PHF12: variants seen among roughly 807,000 people sequenced by gnomAD.
PHF12 encodes the protein PHD finger protein 12.
PHF12 carries 6 observed loss-of-function variants against 99.8 expected under a neutral mutation model. The ratio of observed to expected loss-of-function variants is 0.06; its 90% CI spans 0.03 to 0.12. The LOEUF is 0.12. Ranked by LOEUF, PHF12 falls within the 10% of genes least tolerant of loss-of-function variation. The pLI, the probability that PHF12 is intolerant of heterozygous loss-of-function variation, is 1.00. For synonymous variants in PHF12, 480 were observed against 514.9 expected (o/e 0.93, Z 0.92); for missense variants, 954 against 1,300.1 (o/e 0.73, Z 4.09).
chr17:28,913,004 T>G lies in PHF12; in HGVS notation c.1567A>C (p.Ser523Arg). ...QSPALEDIGCSSCAEKSKKTP... is the reference protein window; with the variant it reads ...QSPALEDIGCRSCAEKSKKTP... ...TTCTTGGATTTTTCCGCACAAGAAC[T>G]GCAGCCGATGTCCTCTAGGGCTGGG... The change falls in exon 9 of 15, where the codon AGT becomes CGT. Residue 523 changes from serine to arginine, a missense_variant. By Grantham distance (110) the Ser-to-Arg change is moderately radical. Coordinates refer to ENST00000332830, the MANE Select transcript of PHF12 (RefSeq NM_001033561.2). The G allele has an allele frequency of 6.2e-7, 1 of 1,614,214 alleles. No homozygotes were observed. Among genetic ancestry groups the G allele is most frequent in the Non-Finnish European group, 8.5e-7 (1 of 1,180,040 alleles).
intron 5 of PHF12, among the ~76,000 whole-genome samples, chr17:28,919,679 T>G (rs534078507): frequency 6.6e-6 from 1 of 152,282 alleles, no homozygotes; most frequent in East Asian, 1.9e-4. Context: ...GGCCGGAGGT[T>G]GCAGTGAGCC....
At chr17:28,916,233 T>C (rs755619241) in intron 7 of PHF12, among the ~76,000 whole-genome samples, 1 of 152,234 alleles carries the variant, frequency 6.6e-6, no homozygotes, top group Non-Finnish European at 1.5e-5. Flanking sequence ...TCACTCTTGT[T>C]GTCCAGGCCG....
intron 10 of PHF12, 134 bp downstream of exon 10, chr17:28,910,978 C>G: frequency 7.9e-7 from 1 of 1,273,024 alleles, no homozygotes; most frequent in Non-Finnish European, 1.1e-6. Context: ...AAAGGATACT[C>G]CTCATTCCCA....
At chr17:28,907,317 G>T in intron 13 of PHF12, 1 of 534,296 alleles carries the variant, frequency 1.9e-6, no homozygotes, top group Non-Finnish European at 3.4e-6. Context: ...CTTCTATGCT[G>T]GTCCCCTCCC....
In PHF12 at chr17:28,924,187, G is replaced by A; in HGVS notation, c.437C>T (p.Thr146Ile). Residue 146 changes from threonine (T) to isoleucine (I), a missense_variant, in exon 4 of 15, where the codon ACT (threonine) becomes ATT (isoleucine). Coordinates refer to ENST00000332830, the MANE Select transcript of PHF12 (RefSeq NM_001033561.2). ...GGCATGGGCAATGGCCTTTAGTTCA[G>A]TTTTGCTGGCCGATCTGTCCAACAA... is the stretch of plus-strand genomic sequence containing the variant. ...TDLLDRSASK[T>I]ELKAIAHARI... 3 of 1,614,218 alleles carry A rather than the reference G, an allele frequency of 1.9e-6. No homozygotes were observed. The highest frequency in any genetic ancestry group is 2.5e-6 in the Non-Finnish European group (3 of 1,180,042).
Position 28,949,921 on chromosome 17 carries a change from CGGGGAGGT to C in PHF12, c.248+136_248+143del. ...CCAGAACCCGGCGGACACCTGGGGG[CGGGGAGGT>C]GCTCGCCCCGGCAGCTGCAGAAAGT... On this transcript the variant is annotated intron_variant, in intron 2 of 14. Coordinates refer to ENST00000332830, the MANE Select transcript of PHF12 (RefSeq NM_001033561.2). The surrounding 1 kb of genome is among the most constrained non-coding windows in gnomAD (Gnocchi z 4.6). 1 of 920,976 alleles carries C rather than the reference CGGGGAGGT, an allele frequency of 1.1e-6. No individual in the cohort carries two copies. Among genetic ancestry groups the C allele is most frequent in the Non-Finnish European group, 1.6e-6 (1 of 625,828 alleles). The allele number at this position is 920,976 out of a possible 1,614,324, so 57.1% of individuals were successfully genotyped here. A position where few individuals can be genotyped will look rare whatever the true frequency, so the allele number is the denominator to read the frequency against.
chr17:28,943,523 G>A (rs1283228794), intron 2 of PHF12, among the ~76,000 whole-genome samples: 1 of 152,058 alleles, frequency 6.6e-6, no homozygotes, highest in East Asian at 1.9e-4. Flanking sequence ...CCAGCTACCC[G>A]GGAGGCTGAG....
intron 2 of PHF12, among the ~76,000 whole-genome samples, chr17:28,932,850 G>C (rs923401136): frequency 6.6e-6 from 1 of 152,206 alleles, no homozygotes; most frequent in Non-Finnish European, 1.5e-5. Flanking sequence ...GGAAGCTGAG[G>C]CAAGAGAATT....
At chr17:28,942,526 T>C (rs966980410) in intron 2 of PHF12, among the ~76,000 whole-genome samples, 2 of 151,650 alleles carry the variant, frequency 1.3e-5, no homozygotes, top group Non-Finnish European at 2.9e-5. Context: ...CCTCTAAAAA[T>C]AAATAAATAG....
intron 2 of PHF12, among the ~76,000 whole-genome samples, chr17:28,947,762 A>G (rs1347470664): frequency 1.3e-5 from 2 of 152,102 alleles, no homozygotes. Flanking sequence ...TTTAGATAAT[A>G]ACTCAGATAA....
chr17:28,907,025 G>T (rs2039882334), intron 13 of PHF12, 31 bp from the exon 14 acceptor site: 1 of 1,583,008 alleles, frequency 6.3e-7, no homozygotes, highest in Non-Finnish European at 8.6e-7. Context: ...TAAGATGTGT[G>T]GTCTGCTGTG....
chr17:28,947,689 G>A (rs775365128), intron 2 of PHF12, among the ~76,000 whole-genome samples: 1 of 152,154 alleles, frequency 6.6e-6, no homozygotes, highest in African/African-American at 2.4e-5. Context: ...AATGAAATTC[G>A]TCTAGGGAAT....
rs968084613 is a variant in PHF12 at position 28,949,968 on chromosome 17, C to T, written c.248+97G>A. ...GCTGCAGAAAGTCAGCTAGCGGCTG[C>T]AAGCGCCCGTTATTTCGGCAGTCAG... On this transcript the variant is annotated intron_variant, in intron 2 of 14. Transcript: ENST00000332830. This position sits in a 1 kb window ranked among gnomAD's most constrained non-coding sequence, Gnocchi z 4.6. 7 of 1,377,442 alleles carry T rather than the reference C, an allele frequency of 5.1e-6. No individual in the cohort carries two copies. In the African/African-American group the frequency reaches 1.0e-4, roughly 20 times the overall value. 85.3% of individuals were successfully genotyped at this position (1,377,442 alleles called of 1,614,324 possible).
At chr17:28,933,051 T>C (rs1395693090) in intron 2 of PHF12, among the ~76,000 whole-genome samples, 1 of 152,158 alleles carries the variant, frequency 6.6e-6, no homozygotes, top group African/African-American at 2.4e-5. Flanking sequence ...AATCATGATA[T>C]GCCTGTCAAG....
At chr17:28,910,436 G>A (rs1028659070) in intron 10 of PHF12, 67 bp from the exon 11 acceptor site, 9 of 1,520,770 alleles carry the variant, frequency 5.9e-6, no homozygotes, top group Non-Finnish European at 8.0e-6. Flanking sequence ...GCAAATCAGG[G>A]TCACAGAGCA....
chr17:28,908,710 T>G, intron 12 of PHF12, 73 bp downstream of exon 12: 1 of 1,475,736 alleles, frequency 6.8e-7, no homozygotes, highest in Non-Finnish European at 9.4e-7. Context: ...CCTTTCTAAC[T>G]TCTGTGGGTA....
chr17:28,923,754 T>A (rs1177817048), intron 4 of PHF12, among the ~76,000 whole-genome samples, 155 bp downstream of exon 4: 2 of 147,646 alleles, frequency 1.4e-5, no homozygotes, highest in Admixed American at 6.8e-5. Context: ...AGCTCTGTAA[T>A]GGCTAAGACC....
rs199531084 is a variant in PHF12, at chr17:28,946,984, AT to A, written c.248+3080del. On this transcript the variant is annotated intron_variant, in intron 2 of 14. Transcript: ENST00000332830. Reference sequence around the variant, plus strand: ...GATAAAATTAAGCAGTAATAGGACAATTTTTTTTTTTTCTCCTGAGATGGGG... The same window carrying A: ...GATAAAATTAAGCAGTAATAGGACAATTTTTTTTTTTCTCCTGAGATGGGG... 9.2e-3 allele frequency among the ~76,000 whole-genome samples: 1,358 copies of A among 147,584 alleles called. 19 individuals carry two copies. The highest frequency in any genetic ancestry group is 0.035 in the Middle Eastern group (10 of 288).
intron 10 of PHF12, 71 bp from the exon 11 acceptor site, chr17:28,910,440 C>T: frequency 6.6e-7 from 1 of 1,511,258 alleles, no homozygotes. Context: ...ATCAGGGTCA[C>T]AGAGCAAATA....
Sources: allele counts gnomAD v4.1 joint callset (sites outside exome capture counted in the v4.1 genomes callset), GRCh38; gene constraint gnomAD v4.1.1; non-coding constraint Gnocchi (gnomAD v3.1); transcripts MANE v1.5; gene names NCBI Gene and HGNC (gene_info 2026-07-23, HGNC 2026-07-21).